Variants in NFATC3 observed in about 807,000 individuals in gnomAD.
The protein encoded by NFATC3 is nuclear factor of activated T cells 3, also known as nuclear factor of activated T-cells, cytoplasmic 3.
Under a neutral mutation model 98.6 loss-of-function variants are expected in NFATC3, and 46 were observed. That is an observed-to-expected ratio of 0.47 (90% CI 0.37 to 0.60). The LOEUF (loss-of-function observed/expected upper bound fraction) is 0.60, where lower values mean the gene tolerates loss of function less well. NFATC3 is among the 20% of genes least tolerant of loss of function. NFATC3 has a pLI of 0.00. For missense variants in NFATC3, 1,256 were observed against 1,295.5 expected (o/e 0.97, Z 0.47); for synonymous variants, 512 against 472.2 (o/e 1.08, Z -1.09).
Position 68,085,639 on chromosome 16 carries a change from C to A in NFATC3, c.-43C>A, listed in dbSNP as rs1280998676. The A allele has an allele frequency of 6.8e-7, 1 of 1,466,198 alleles. No individual in the cohort carries two copies. Among genetic ancestry groups the A allele is most frequent in the Non-Finnish European group, 9.0e-7 (1 of 1,107,802 alleles). The allele number at this position is 1,466,198 out of a possible 1,614,324, so 90.8% of individuals were successfully genotyped here. A position where few individuals can be genotyped will look rare whatever the true frequency, so the allele number is the denominator to read the frequency against. On this transcript the variant is annotated 5_prime_UTR_variant, in exon 1 of 10. Coordinates refer to ENST00000346183, the MANE Select transcript of NFATC3 (RefSeq NM_173165.3). ...TGCTGCCGCCGCTTGCCGCTGCCGC[C>A]GCCGCCGCCTGAGGAGGAGCTGCAG...
At chr16:68,111,392 T>G (rs2035939545) in intron 1 of NFATC3, among the ~76,000 whole-genome samples, 1 of 152,204 alleles carries the variant, frequency 6.6e-6, no homozygotes, top group South Asian at 2.1e-4. Context: ...TCTTTGTCTT[T>G]TTTTGATCTT....
chr16:68,089,423 C>T (rs1042030950), intron 1 of NFATC3: 2 of 347,038 alleles, frequency 5.8e-6, no homozygotes, highest in Non-Finnish European at 8.1e-6. Context: ...ACCCTAGAGT[C>T]GTCAGCTTTC....
chr16:68,086,708 T>G lies in NFATC3; in HGVS notation c.103+924T>G, dbSNP rs184646313. 83 of 985,462 alleles carry G rather than the reference T, an allele frequency of 8.4e-5. No homozygotes were observed. In the African/African-American group the frequency reaches 1.2e-3, roughly 15 times the overall value. The allele number at this position is 985,462 out of a possible 1,614,324, so 61.0% of individuals were successfully genotyped here. On this transcript the variant is annotated intron_variant, in intron 1 of 9. Transcript: ENST00000346183. ...TCTTGCCTGGTATGAGGTGAATTTC[T>G]TAATGTTCATGTTTGATGTTCAGTA... is the stretch of plus-strand genomic sequence containing the variant.
chr16:68,131,308 C>T (rs1046654790), intron 3 of NFATC3, among the ~76,000 whole-genome samples: 1 of 152,154 alleles, frequency 6.6e-6, no homozygotes, highest in Non-Finnish European at 1.5e-5. Flanking sequence ...GACAGAGTCT[C>T]ACTCTGTTAC....
At chr16:68,119,438 T>A (rs571416218) in intron 1 of NFATC3, among the ~76,000 whole-genome samples, 1 of 152,258 alleles carries the variant, frequency 6.6e-6, no homozygotes, top group African/African-American at 2.4e-5. Context: ...TGGTTTCCCA[T>A]CTCGTAAGGC....
rs2036634242 is a variant in NFATC3, at chr16:68,123,088, G to A, written c.1205G>A (p.Ser402Asn). The change falls in exon 2 of 10, where the codon AGC becomes AAC. Residue 402 changes from serine to asparagine, a missense_variant. Physicochemically the swap from Ser to Asn is conservative, Grantham distance 46 (BLOSUM62 1). Coordinates refer to ENST00000346183, the MANE Select transcript of NFATC3 (RefSeq NM_173165.3). ...FLSVPSPFTW[S>N]KPKPGHTPIF... is the part of the protein sequence containing the mutation. ...TCAGTTCCTTCACCCTTTACCTGGAGCAAACCAAAGCCTGGCCACACCCCT... is the reference window on the plus strand; with the variant it reads ...TCAGTTCCTTCACCCTTTACCTGGAACAAACCAAAGCCTGGCCACACCCCT... 1.2e-6 allele frequency: 2 copies of A among 1,605,210 alleles called. No individual in the cohort carries two copies. The highest frequency in any genetic ancestry group is 2.7e-5 in the African/African-American group (2 of 74,966).
chr16:68,222,266 G>T (rs2041891226), intron 9 of NFATC3, among the ~76,000 whole-genome samples: 1 of 112,402 alleles, frequency 8.9e-6, no homozygotes, highest in Admixed American at 1.3e-4. Flanking sequence ...TCCAGCCTGG[G>T]CAACAGAGTG....
intron 4 of NFATC3, among the ~76,000 whole-genome samples, chr16:68,163,013 A>AT (rs1383450853): frequency 6.6e-6 from 1 of 151,976 alleles, no homozygotes; most frequent in East Asian, 1.9e-4. Flanking sequence ...CCCTTAATCC[A>AT]TTTAACCCTG....
intron 5 of NFATC3, among the ~76,000 whole-genome samples, chr16:68,170,523 C>T (rs1433624366): frequency 1.4e-5 from 2 of 141,626 alleles, no homozygotes; most frequent in Non-Finnish European, 3.0e-5. Context: ...GACGGAGTCT[C>T]CCTGTGTGGT....
intron 1 of NFATC3, among the ~76,000 whole-genome samples, chr16:68,110,364 A>G (rs1186653111): frequency 6.9e-6 from 1 of 144,842 alleles, no homozygotes; most frequent in Non-Finnish European, 1.5e-5. Flanking sequence ...GCTGGAGTAC[A>G]GTGGCCCAAT....
In NFATC3 at chr16:68,125,175, AAACAAAT is replaced by A. The variant is rs536922320; in HGVS notation, c.1239-1271_1239-1265del. On this transcript the variant is annotated intron_variant, in intron 2 of 9. Transcript: ENST00000346183. Reference sequence around the variant, plus strand: ...TTCTAGTGGTTTGCTTAAGGCTGCAAAACAAATACAGAAGTAACTGAGAGTTGAAGTT... The same window carrying A: ...TTCTAGTGGTTTGCTTAAGGCTGCAAACAGAAGTAACTGAGAGTTGAAGTT... 1.1e-3 allele frequency among the ~76,000 whole-genome samples: 173 copies of A among 152,368 alleles called. 1 individual carries two copies. Among genetic ancestry groups the A allele is most frequent in the African/African-American group, 3.7e-3 (152 of 41,584 alleles).
At position 68,228,402 on chromosome 16, in the gene NFATC3, G is replaced by C. The variant is rs538821290; in HGVS notation, c.*1931G>C. On this transcript the variant is annotated 3_prime_UTR_variant, in exon 10 of 10. Transcript: ENST00000346183. ...ACTTGCCCCTACCCTTTTGCCCCTG[G>C]TGTAGCTGCCTCACATGAGGTTATT... The C allele has an allele frequency of 1.3e-5, 2 of 152,166 alleles. No homozygotes were observed. Among genetic ancestry groups the C allele is most frequent in the Non-Finnish European group, 2.9e-5 (2 of 68,020 alleles). 9.4% of individuals were successfully genotyped at this position (152,166 alleles called of 1,614,324 possible). A position where few individuals can be genotyped will look rare whatever the true frequency, so the allele number is the denominator to read the frequency against.
chr16:68,223,673 G>T (rs932738587), intron 9 of NFATC3, among the ~76,000 whole-genome samples: 1 of 151,858 alleles, frequency 6.6e-6, no homozygotes, highest in Non-Finnish European at 1.5e-5. Flanking sequence ...GAGGCAGGTG[G>T]ATCATGAGGT....
At chr16:68,125,292 A>G (rs2036777853) in intron 2 of NFATC3, among the ~76,000 whole-genome samples, 1 of 152,216 alleles carries the variant, frequency 6.6e-6, no homozygotes, top group Non-Finnish European at 1.5e-5. Flanking sequence ...GGAAGGAAAC[A>G]ATGAAATAAT....
In NFATC3 at chr16:68,105,563, G is replaced by A. The variant is rs1038647799; in HGVS notation, c.104-16424G>A. ...AGGATTTTTGTGTTTATATTCATACGGGATATTGGTCTGTAGTGTCTTGCT... is the reference window on the plus strand; with the variant it reads ...AGGATTTTTGTGTTTATATTCATACAGGATATTGGTCTGTAGTGTCTTGCT... On this transcript the variant is annotated intron_variant, in intron 1 of 9. Coordinates refer to ENST00000346183, the MANE Select transcript of NFATC3 (RefSeq NM_173165.3). Among the ~76,000 whole-genome samples, 40 of 152,032 alleles carry A rather than the reference G, an allele frequency of 2.6e-4. 2 individuals are homozygous for A. Among genetic ancestry groups the A allele is most frequent in the Non-Finnish European group, 1.6e-4 (11 of 68,022 alleles).
intron 1 of NFATC3, among the ~76,000 whole-genome samples, chr16:68,093,842 A>G (rs2034862108): frequency 2.0e-5 from 3 of 152,174 alleles, no homozygotes; most frequent in South Asian, 2.1e-4. Flanking sequence ...ATTCTCAGAA[A>G]GAGTTTAAGT....
At chr16:68,183,154 G>T in intron 7 of NFATC3, 86 bp from the exon 8 acceptor site, 2 of 1,388,624 alleles carry the variant, frequency 1.4e-6, no homozygotes, top group Non-Finnish European at 1.9e-6. Context: ...GAGCCTTGTA[G>T]TTAAGACTCA....
At chr16:68,145,762 G>T (rs891778651) in intron 3 of NFATC3, among the ~76,000 whole-genome samples, 2 of 152,140 alleles carry the variant, frequency 1.3e-5, no homozygotes, top group Middle Eastern at 3.2e-3. Flanking sequence ...CTTGACTGGG[G>T]TAGTAGTTAT....
At chr16:68,155,294 C>T (rs2038547450) in intron 3 of NFATC3, among the ~76,000 whole-genome samples, 1 of 152,200 alleles carries the variant, frequency 6.6e-6, no homozygotes. Context: ...CCCCTCACTT[C>T]ATAGTTTTAC....
Sources: allele counts gnomAD v4.1 joint callset (sites outside exome capture counted in the v4.1 genomes callset), GRCh38; gene constraint gnomAD v4.1.1; transcripts MANE v1.5; gene names NCBI Gene and HGNC (gene_info 2026-07-23, HGNC 2026-07-21).